The following ZNF717 variants were observed in gnomAD, a reference collection of about 807,000 sequenced individuals.
ZNF717 encodes the protein krueppel-like factor X17.
Under a neutral mutation model 13.8 loss-of-function variants are expected in ZNF717, and 9 were observed. That is an observed-to-expected ratio of 0.65 (90% confidence interval 0.39 to 1.14). ZNF717 has a LOEUF of 1.14. Ranked by LOEUF, ZNF717 falls within the 50% of genes most tolerant of loss-of-function variation. ZNF717 has a pLI of 0.01. For missense variants in ZNF717, 1,040 were observed against 1,080.7 expected, an observed-to-expected ratio of 0.96 and a Z score of 0.53; for synonymous variants, 327 against 364.1, an observed-to-expected ratio of 0.90 and a Z score of 1.16.
chr3:75,716,092 TC>T (rs1273131575), intron 5 of ZNF717, among the ~76,000 whole-genome samples: 1 of 151,224 alleles, frequency 6.6e-6, no homozygotes, highest in African/African-American at 2.4e-5. Flanking sequence ...TGCCTCAGCC[TC>T]CCAAGTAGCT....
chr3:75,746,001 C>A (rs1164121438), intron 2 of ZNF717, among the ~76,000 whole-genome samples: 1 of 152,068 alleles, frequency 6.6e-6, no homozygotes, highest in Non-Finnish European at 1.5e-5. Context: ...TTAGGTATAT[C>A]TCCTAACGCT....
At chr3:75,710,878 T>G (rs1937918704) in exon 6 of ZNF717, 1 of 152,096 alleles carries the variant, frequency 6.6e-6, no homozygotes, top group African/African-American at 2.4e-5. Flanking sequence ...GGCATTATAG[T>G]TTTTCTTTAG....
intron 2 of ZNF717, among the ~76,000 whole-genome samples, chr3:75,743,702 G>GA (rs1479417807): frequency 2.0e-5 from 3 of 152,310 alleles, no homozygotes; most frequent in Admixed American, 6.5e-5. Flanking sequence ...TTCTTAAGAG[G>GA]AAAAAAATGT....
intron 6 of ZNF717, among the ~76,000 whole-genome samples, chr3:75,697,302 G>T (rs1575756889): frequency 6.6e-6 from 1 of 152,310 alleles, no homozygotes; most frequent in Non-Finnish European, 1.5e-5. Flanking sequence ...CTCTGATAAG[G>T]TTTGAATATG....
intron 2 of ZNF717, among the ~76,000 whole-genome samples, chr3:75,755,921 A>G (rs1427912267): frequency 2.0e-5 from 3 of 152,286 alleles, no homozygotes; most frequent in Non-Finnish European, 2.9e-5. Flanking sequence ...GTATGAATGT[A>G]CCAATTCAAA....
In ZNF717 at chr3:75,782,788, C is replaced by A. The variant is rs1944908417; in HGVS notation, c.57+518G>T. Reference sequence around the variant, plus strand: ...ATGACCGTTTCCACTGCACAACACACCGTGCTTTAGCGGCAGATGACCATT... The same window carrying A: ...ATGACCGTTTCCACTGCACAACACAACGTGCTTTAGCGGCAGATGACCATT... On this transcript the variant is annotated intron_variant, in intron 2 of 4. Coordinates refer to ENST00000652011, the MANE Select transcript of ZNF717 (RefSeq NM_001290208.3). Among the ~76,000 whole-genome samples the A allele has an allele frequency of 3.3e-5, 5 of 152,090 alleles. No homozygotes were observed. The South Asian group carries it at 1.0e-3, about 32-fold the overall frequency.
exon 6 of ZNF717, chr3:75,711,288 G>A (rs1937931589): frequency 6.6e-6 from 1 of 152,062 alleles, no homozygotes. Context: ...TAAACTATAG[G>A]TAGCTTACGA....
chr3:75,733,260 A>C (rs77809200), downstream of ZNF717, among the ~76,000 whole-genome samples: 1 of 65,838 alleles, frequency 1.5e-5, no homozygotes, highest in East Asian at 3.6e-4. Context: ...ACTAGAAGGA[A>C]AAAGAGAGAA....
chr3:75,711,518 A>C (rs1937937475), intron 5 of ZNF717, among the ~76,000 whole-genome samples: 4 of 152,212 alleles, frequency 2.6e-5, no homozygotes, highest in Non-Finnish European at 4.4e-5. Flanking sequence ...AAATTTTGCC[A>C]GGCACAGTGG....
In ZNF717 at chr3:75,745,899, G is replaced by A. The variant is rs1356547520; in HGVS notation, c.58-4163C>T. ...TATATATTTTTTTATTATACTTTAA[G>A]ATCTAGGATACATGTGCACAACGTG... is the stretch of plus-strand genomic sequence containing the variant. On this transcript the variant is annotated intron_variant, in intron 2 of 4. Transcript: ENST00000652011. 2.6e-5 allele frequency among the ~76,000 whole-genome samples: 4 copies of A among 151,096 alleles called. No homozygotes were observed. In the East Asian group the frequency reaches 7.7e-4, roughly 29 times the overall value.
At chr3:75,756,586 G>T (rs1372319954) in intron 2 of ZNF717, among the ~76,000 whole-genome samples, 3 of 152,178 alleles carry the variant, frequency 2.0e-5, no homozygotes, top group Non-Finnish European at 4.4e-5. Context: ...AAACAATGTT[G>T]CTGCTGTTAT....
chr3:75,698,017 T>G (rs1937623082), intron 6 of ZNF717, among the ~76,000 whole-genome samples: 1 of 152,310 alleles, frequency 6.6e-6, no homozygotes, highest in African/African-American at 2.4e-5. Context: ...ATTTCTGTCA[T>G]GCCCTAGGGA....
downstream of ZNF717, among the ~76,000 whole-genome samples, chr3:75,709,273 T>C (rs1444341201): frequency 2.6e-5 from 4 of 152,120 alleles, no homozygotes; most frequent in African/African-American, 9.7e-5. Flanking sequence ...GTGCTGGGGT[T>C]ATAGGTGTGA....
intron 2 of ZNF717, among the ~76,000 whole-genome samples, chr3:75,778,490 C>T (rs1271189800): frequency 6.6e-6 from 1 of 151,544 alleles, no homozygotes; most frequent in Non-Finnish European, 1.5e-5. Context: ...GAGTGACATG[C>T]TAAAACCGGA....
At chr3:75,772,278 A>G (rs1292023749) in intron 2 of ZNF717, among the ~76,000 whole-genome samples, 1 of 152,216 alleles carries the variant, frequency 6.6e-6, no homozygotes, top group Non-Finnish European at 1.5e-5. Context: ...CTACTTGCCC[A>G]CGTACCTCAT....
chr3:75,765,651 A>G (rs1943406796), intron 2 of ZNF717, among the ~76,000 whole-genome samples: 1 of 152,102 alleles, frequency 6.6e-6, no homozygotes, highest in Non-Finnish European at 1.5e-5. Context: ...GGCTCAAGCA[A>G]TCCACCTCCC....
chr3:75,709,580 A>T (rs1937888909), downstream of ZNF717: 1 of 152,240 alleles, frequency 6.6e-6, no homozygotes, highest in Admixed American at 6.5e-5. Context: ...AACAATCGTG[A>T]TGCCAGTCCA....
At chr3:75,780,891 G>A (rs2107741785) in intron 2 of ZNF717, among the ~76,000 whole-genome samples, 2 of 152,360 alleles carry the variant, frequency 1.3e-5, no homozygotes, top group African/African-American at 4.8e-5. Context: ...CTGTAAACAG[G>A]ACGTTCCAGC....
At chr3:75,783,007 C>T (rs147534259) in intron 2 of ZNF717, among the ~76,000 whole-genome samples, 1 of 152,256 alleles carries the variant, frequency 6.6e-6, no homozygotes, top group Non-Finnish European at 1.5e-5. Flanking sequence ...TGCACACAAG[C>T]TTTCCTGTCC....
Sources: gnomAD v4.1 joint callset for allele counts (sites outside exome capture counted in the v4.1 genomes callset) on GRCh38, gnomAD v4.1.1 for gene constraint, MANE v1.5 for transcripts, NCBI Gene and HGNC (gene_info 2026-07-23, HGNC 2026-07-21) for gene names.